NGLY1: variants seen among roughly 807,000 people sequenced by gnomAD.
NGLY1 encodes peptide-N(4)-(N-acetyl-beta-glucosaminyl)asparagine amidase.
A neutral mutation model predicts 84.6 loss-of-function variants in NGLY1; 68 were observed. The observed-to-expected ratio is 0.80, with a 90% CI of 0.66 to 0.98. The LOEUF (loss-of-function observed/expected upper bound fraction) is 0.98. Among genes scored for constraint, NGLY1 ranks in the 50% least tolerant of loss-of-function variants. The pLI is 0.00. For synonymous variants in NGLY1, 280 were observed against 275.2 expected, an observed-to-expected ratio of 1.02 and a Z score of -0.17; for missense variants, 779 against 770.2, an observed-to-expected ratio of 1.01 and a Z score of -0.14.
At chr3:25,737,542 T>C in intron 5 of NGLY1, 87 bp from the exon 6 acceptor site, 3 of 1,247,250 alleles carry the variant, frequency 2.4e-6, no homozygotes, top group Non-Finnish European at 3.2e-6. Context: ...CAGAAATGTT[T>C]AATTTTTTTT....
chr3:25,775,096 A>C (rs545654653), intron 2 of NGLY1, among the ~76,000 whole-genome samples: 3 of 152,338 alleles, frequency 2.0e-5, no homozygotes, highest in South Asian at 4.1e-4. Flanking sequence ...TCCCCGTCAC[A>C]CTTCGGGCAC....
chr3:25,754,964 A>G, intron 3 of NGLY1: 1 of 759,474 alleles, frequency 1.3e-6, no homozygotes, highest in Non-Finnish European at 2.4e-6. Context: ...GAACGCTCCT[A>G]GGGATGCCTT....
At chr3:25,735,061 A>T (rs943271970) in intron 7 of NGLY1, 29 of 173,296 alleles carry the variant, frequency 1.7e-4, no homozygotes, top group Non-Finnish European at 3.0e-4. Flanking sequence ...TGGATCATAT[A>T]AAAAAATTAA....
chr3:25,761,189 T>A (rs77264797), intron 3 of NGLY1, among the ~76,000 whole-genome samples: 2,483 of 152,302 alleles, frequency 0.016, 85 homozygotes, highest in African/African-American at 0.055. Flanking sequence ...AGTAGTCATG[T>A]GCTAAATAAA....
At chr3:25,748,523 T>C (rs1706560376) in intron 4 of NGLY1, among the ~76,000 whole-genome samples, 3 of 152,216 alleles carry the variant, frequency 2.0e-5, no homozygotes, top group Admixed American at 2.0e-4. Context: ...TATTATCCAG[T>C]ACATCATGCC....
chr3:25,760,599 G>A (rs768922811), intron 3 of NGLY1, among the ~76,000 whole-genome samples: 2 of 152,034 alleles, frequency 1.3e-5, no homozygotes, highest in African/African-American at 2.4e-5. Context: ...GGTGGCTCAC[G>A]CCTGTAACCC....
intron 6 of NGLY1, chr3:25,736,363 T>G (rs1020800972): frequency 1.9e-6 from 3 of 1,551,532 alleles, no homozygotes. Flanking sequence ...CAATCTCCTT[T>G]AACGTGGTCA....
At chr3:25,742,835 T>C (rs1208491527) in intron 4 of NGLY1, among the ~76,000 whole-genome samples, 1 of 130,370 alleles carries the variant, frequency 7.7e-6, no homozygotes, top group Non-Finnish European at 1.5e-5. Flanking sequence ...CCTCAGAGGA[T>C]ATCCATGTCC....
At chr3:25,723,630 GA>G (rs914515329) in intron 10 of NGLY1, among the ~76,000 whole-genome samples, 53 of 142,710 alleles carry the variant, frequency 3.7e-4, no homozygotes, top group South Asian at 1.1e-3. Context: ...TATTTAAAAG[GA>G]AAAAAAAAAG....
At chr3:25,776,906 A>G (rs906407162) in intron 2 of NGLY1, among the ~76,000 whole-genome samples, 1 of 152,146 alleles carries the variant, frequency 6.6e-6, no homozygotes, top group Non-Finnish European at 1.5e-5. Flanking sequence ...TCCAGGAGCT[A>G]GCAACACAGG....
chr3:25,785,803 A>G (rs1708590830), upstream of NGLY1, among the ~76,000 whole-genome samples: 1 of 152,250 alleles, frequency 6.6e-6, no homozygotes, highest in African/African-American at 2.4e-5. Flanking sequence ...CCCCTGACAG[A>G]TAGAATGGTC....
intron 4 of NGLY1, 91 bp from the exon 5 acceptor site, chr3:25,739,890 A>G (rs1706042949): frequency 7.6e-6 from 7 of 926,774 alleles, no homozygotes; most frequent in Non-Finnish European, 1.1e-5. Context: ...AACCTGAAAA[A>G]TATGAAAACA....
chr3:25,729,276 A>T lies in NGLY1; in HGVS notation c.1468T>A (p.Ser490Thr), dbSNP rs776167001. ...TTGTAACAAAGGTGGAGCTGTTTAG[A>T]AATCTTCTCATTTTCACAGGGAATA... Reference protein sequence around the residue: ...LFIPCENEKISKQLHLCYNIV... With the variant: ...LFIPCENEKITKQLHLCYNIV... Residue 490 changes from serine (S) to threonine (T), a missense_variant, in exon 10 of 12, where the codon TCT (serine) becomes ACT (threonine). Physicochemically the swap from Ser to Thr is moderately conservative, Grantham distance 58. Coordinates refer to ENST00000280700, the MANE Select transcript of NGLY1 (RefSeq NM_018297.4). The T allele has an allele frequency of 3.4e-6, 5 of 1,483,468 alleles. No individual in the cohort carries two copies. The highest frequency in any genetic ancestry group is 9.0e-7 in the Non-Finnish European group (1 of 1,106,832). The allele number at this position is 1,483,468 out of a possible 1,614,324, so 91.9% of individuals were successfully genotyped here.
intron 10 of NGLY1, among the ~76,000 whole-genome samples, chr3:25,724,747 C>A (rs1705167118): frequency 6.6e-6 from 1 of 152,136 alleles, no homozygotes; most frequent in Non-Finnish European, 1.5e-5. Flanking sequence ...TGTCCCCAAA[C>A]AACCTCCCCT....
intron 10 of NGLY1, among the ~76,000 whole-genome samples, chr3:25,724,489 AT>A (rs1705155469): frequency 6.6e-6 from 1 of 152,150 alleles, no homozygotes; most frequent in Admixed American, 6.5e-5. Flanking sequence ...AATTTATTCC[AT>A]TTGTAGAATT....
chr3:25,736,056 T>G lies in NGLY1; in HGVS notation c.1097A>C (p.Glu366Ala). 2 of 1,614,052 alleles carry G rather than the reference T, an allele frequency of 1.2e-6. No individual in the cohort carries two copies. Among genetic ancestry groups the G allele is most frequent in the Non-Finnish European group, 1.7e-6 (2 of 1,179,924 alleles). ...GGAAAGCTTCTTGCCCCATCCTATT[T>G]CATAAAGGAGTGGCTTGTCACAGAC... ...EDVCDKPLLY[E>A]IGWGKKLSYV... The change falls in exon 7 of 12, where the codon GAA (glutamate) becomes GCA (alanine). Residue 366 changes from glutamate to alanine, a missense_variant. Coordinates refer to ENST00000280700, the MANE Select transcript of NGLY1 (RefSeq NM_018297.4).
Position 25,719,373 on chromosome 3 carries a change from G to GT in NGLY1, c.*86dup. On this transcript the variant is annotated 3_prime_UTR_variant, in exon 12 of 12. Transcript: ENST00000280700. ...AAAAGAAATATGCTAGCACAGGGTG[G>GT]TAACTGCCAACTAAGCATGCACTGA... 1 of 1,085,070 alleles carries GT rather than the reference G, an allele frequency of 9.2e-7. No individual in the cohort carries two copies. Among genetic ancestry groups the GT allele is most frequent in the Non-Finnish European group, 1.4e-6 (1 of 736,842 alleles). 67.2% of individuals were successfully genotyped at this position (1,085,070 alleles called of 1,614,324 possible). A position where few individuals can be genotyped will look rare whatever the true frequency, so the allele number is the denominator to read the frequency against.
At chr3:25,751,501 T>C (rs1706752132) in intron 3 of NGLY1, among the ~76,000 whole-genome samples, 2 of 152,196 alleles carry the variant, frequency 1.3e-5, no homozygotes, top group South Asian at 4.1e-4. Context: ...AGGATATATT[T>C]AAATAAGGAT....
intron 3 of NGLY1, 50 bp from the exon 4 acceptor site, chr3:25,751,313 AAAT>A: frequency 7.2e-7 from 1 of 1,380,434 alleles, no homozygotes; most frequent in Non-Finnish European, 9.5e-7. Context: ...TATGCTACAA[AAAT>A]AATATATAAT....
Sources: allele counts gnomAD v4.1 joint callset (sites outside exome capture counted in the v4.1 genomes callset), GRCh38; gene constraint gnomAD v4.1.1; transcripts MANE v1.5; gene names NCBI Gene and HGNC (gene_info 2026-07-23, HGNC 2026-07-21).